Variants in COPB1 observed in about 807,000 individuals in gnomAD.
COPB1 encodes the protein coatomer subunit beta.
A neutral mutation model predicts 108.7 loss-of-function variants in COPB1; 21 were observed. That is an observed-to-expected ratio of 0.19 (90% confidence interval 0.14 to 0.28). The LOEUF (loss-of-function observed/expected upper bound fraction) is 0.28, where lower values mean the gene tolerates loss of function less well. Ranked by LOEUF, COPB1 falls within the 10% of genes least tolerant of loss-of-function variation. The pLI is 1.00. For synonymous variants in COPB1, 378 were observed against 386.8 expected (o/e 0.98, Z 0.27); for missense variants, 919 against 1,141.3 (o/e 0.81, Z 2.81).
intron 21 of COPB1, among the ~76,000 whole-genome samples, 163 bp downstream of exon 21, chr11:14,458,369 A>T (rs1313031992): frequency 1.3e-5 from 2 of 152,222 alleles, no homozygotes; most frequent in African/African-American, 4.8e-5. Context: ...AAAAGGTGAG[A>T]AATTTTAATG....
Position 14,485,713 on chromosome 11 carries a change from C to G in COPB1, c.837+654G>C, listed in dbSNP as rs529821141. On this transcript the variant is annotated intron_variant, in intron 7 of 21. Transcript: ENST00000439561. ...AACACAAAAAATTAGCTGGGCATAG[C>G]GGTGGGCACCTGTAATCCCAGCTAC... 9.9e-5 allele frequency among the ~76,000 whole-genome samples: 15 copies of G among 152,024 alleles called. No homozygotes were observed. The South Asian group carries it at 2.7e-3, about 27-fold the overall frequency.
chr11:14,487,791 T>TAG (rs1210173429), intron 6 of COPB1, among the ~76,000 whole-genome samples: 1 of 152,208 alleles, frequency 6.6e-6, no homozygotes, highest in African/African-American at 2.4e-5. Flanking sequence ...GCCCCTTTCT[T>TAG]ACAGAAGCAA....
intron 2 of COPB1, among the ~76,000 whole-genome samples, chr11:14,495,560 C>T (rs1243753337): frequency 2.0e-5 from 3 of 152,154 alleles, no homozygotes; most frequent in Non-Finnish European, 4.4e-5. Context: ...GATGGGGTTT[C>T]GCCATGTTGG....
At position 14,472,760 on chromosome 11, in the gene COPB1, G is replaced by A. The variant is rs370353588; in HGVS notation, c.1737+1735C>T. On this transcript the variant is annotated intron_variant, in intron 14 of 21. Coordinates refer to ENST00000439561, the MANE Select transcript of COPB1 (RefSeq NM_001144061.2). ...TGTCAAACTTTTACATTATGAAGAC[G>A]GGCTTATTTCCTTAAACCTCATGAA... Among the ~76,000 whole-genome samples the A allele has an allele frequency of 6.6e-5, 10 of 152,208 alleles. No individual in the cohort carries two copies. In the East Asian group the frequency reaches 9.6e-4, roughly 15 times the overall value.
Position 14,461,326 on chromosome 11 carries a change from C to T in COPB1, c.2416G>A (p.Asp806Asn), listed in dbSNP as rs775016562. ...NGIIFGNIVY[D>N]VSGAASDRNC... ...CTGTCACTTGCTGCTCCAGAGACAT[C>T]ATAAACTGCAATTACATATACAAAA... Residue 806 changes from aspartate to asparagine, a missense_variant, in exon 19 of 22, where the codon GAT (aspartate) becomes AAT (asparagine). By Grantham distance (23) the Asp-to-Asn change is conservative. Coordinates refer to ENST00000439561, the MANE Select transcript of COPB1 (RefSeq NM_001144061.2). 3.7e-6 allele frequency: 6 copies of T among 1,612,924 alleles called. No homozygotes were observed. The highest frequency in any genetic ancestry group is 1.7e-6 in the Non-Finnish European group (2 of 1,179,664).
In COPB1 at chr11:14,468,999, C is replaced by A. The variant is rs144732644; in HGVS notation, c.1966-139G>T. 7.0e-4 allele frequency: 517 copies of A among 743,554 alleles called. 1 individual carries two copies. In the African/African-American group the frequency reaches 7.9e-3, roughly 11 times the overall value. 46.1% of individuals were successfully genotyped at this position (743,554 alleles called of 1,614,324 possible). A position where few individuals can be genotyped will look rare whatever the true frequency, so the allele number is the denominator to read the frequency against. On this transcript the variant is annotated intron_variant, in intron 15 of 21. Coordinates refer to ENST00000439561, the MANE Select transcript of COPB1 (RefSeq NM_001144061.2). ...AAAACCCACAAAGCACTTTTCTTTT[C>A]TTTTTTTTCTTCCTGAGACAGGCTG...
chr11:14,486,587 G>T, intron 6 of COPB1, 83 bp from the exon 7 acceptor site: 2 of 1,524,052 alleles, frequency 1.3e-6, no homozygotes, highest in South Asian at 1.2e-5. Flanking sequence ...GTCAGCTTAT[G>T]GGATGCTAGT....
rs1457729982 is a variant in COPB1, at chr11:14,461,346, A to G, written c.2411-15T>C. The G allele has an allele frequency of 6.8e-6, 11 of 1,606,300 alleles. No homozygotes were observed. Among genetic ancestry groups the G allele is most frequent in the South Asian group, 2.2e-5 (2 of 89,032 alleles). On this transcript the variant is annotated splice_polypyrimidine_tract_variant and intron_variant, in intron 18 of 21. Coordinates refer to ENST00000439561, the MANE Select transcript of COPB1 (RefSeq NM_001144061.2). ...GACATCATAAACTGCAATTACATATACAAAAAGATTCGCAATCACTGGGGC... is the reference window on the plus strand; with the variant it reads ...GACATCATAAACTGCAATTACATATGCAAAAAGATTCGCAATCACTGGGGC...
At chr11:14,469,307 C>T in intron 15 of COPB1, 29 bp downstream of exon 15, 1 of 1,574,364 alleles carries the variant, frequency 6.4e-7, no homozygotes, top group Non-Finnish European at 8.7e-7. Flanking sequence ...ACACAAAACA[C>T]TTTTGTTGCC....
intron 2 of COPB1, 117 bp downstream of exon 2, chr11:14,498,721 T>C (rs1219955346): frequency 2.6e-6 from 2 of 767,160 alleles, no homozygotes; most frequent in Non-Finnish European, 4.0e-6. Flanking sequence ...GAAGAGATCC[T>C]AGAAAAACTT....
At chr11:14,461,451 T>C (rs1449786143) in intron 18 of COPB1, 120 bp from the exon 19 acceptor site, 31 of 996,036 alleles carry the variant, frequency 3.1e-5, no homozygotes, top group Non-Finnish European at 4.4e-5. Context: ...ATATAATACT[T>C]ATTATGTACA....
In COPB1 at chr11:14,461,342, A is replaced by G; in HGVS notation, c.2411-11T>C. On this transcript the variant is annotated splice_polypyrimidine_tract_variant and intron_variant, in intron 18 of 21. Coordinates refer to ENST00000439561, the MANE Select transcript of COPB1 (RefSeq NM_001144061.2). ...CAGAGACATCATAAACTGCAATTAC[A>G]TATACAAAAAGATTCGCAATCACTG... 2 of 1,606,876 alleles carry G rather than the reference A, an allele frequency of 1.2e-6. No homozygotes were observed. The highest frequency in any genetic ancestry group is 2.2e-5 in the South Asian group (2 of 88,972).
intron 11 of COPB1, among the ~76,000 whole-genome samples, chr11:14,478,151 A>C (rs956463678): frequency 6.6e-6 from 1 of 152,194 alleles, no homozygotes; most frequent in Non-Finnish European, 1.5e-5. Context: ...AACTGTTCTT[A>C]TTATTAGGAA....
intron 7 of COPB1, among the ~76,000 whole-genome samples, chr11:14,484,442 G>A (rs1203306280): frequency 6.6e-6 from 1 of 152,176 alleles, no homozygotes; most frequent in African/African-American, 2.4e-5. Flanking sequence ...TGTCCTCATC[G>A]GGCATGGTGG....
intron 11 of COPB1, 138 bp downstream of exon 11, chr11:14,479,431 C>T (rs971674364): frequency 1.4e-5 from 10 of 713,384 alleles, no homozygotes; most frequent in African/African-American, 7.2e-5. Context: ...GTGGAGTTAG[C>T]GAGATGCTTG....
Position 14,483,130 on chromosome 11 carries a change from C to A in COPB1, c.859G>T (p.Asp287Tyr). 2 of 1,573,300 alleles carry A rather than the reference C, an allele frequency of 1.3e-6. No individual in the cohort carries two copies. The highest frequency in any genetic ancestry group is 1.1e-5 in the South Asian group (1 of 88,290). ...AIKAAAQCYI[D>Y]LIIKESDNNV... ...TTGTCGCTCTCCTTAATAATTAAAT[C>A]AATGTAACACTGAGCAGCAGCCTAT... Residue 287 changes from aspartate (D) to tyrosine (Y), a missense_variant, in exon 8 of 22, where the codon GAT (aspartate) becomes TAT (tyrosine). Coordinates refer to ENST00000439561, the MANE Select transcript of COPB1 (RefSeq NM_001144061.2).
At position 14,458,690 on chromosome 11, in the gene COPB1, G is replaced by C. The variant is rs763886893; in HGVS notation, c.2647-3C>G. The C allele has an allele frequency of 1.2e-6, 2 of 1,606,162 alleles. No individual in the cohort carries two copies. The highest frequency in any genetic ancestry group is 1.3e-5 in the African/African-American group (1 of 74,142). ...AAGCCACAGTAACCAGAAAGGGCCT[G>C]GAAAAAATTTGTGATAAATTCATTA... On this transcript the variant is annotated splice_polypyrimidine_tract_variant and splice_region_variant and intron_variant, in intron 20 of 21. Transcript: ENST00000439561.
intron 10 of COPB1, 50 bp downstream of exon 10, chr11:14,480,709 A>T (rs764818825): frequency 4.1e-5 from 64 of 1,551,466 alleles, no homozygotes; most frequent in African/African-American, 3.1e-4. Context: ...TATATTTTTT[A>T]AAAAATTCTT....
chr11:14,498,714 G>A, intron 2 of COPB1, 124 bp downstream of exon 2: 4 of 693,594 alleles, frequency 5.8e-6, no homozygotes, highest in East Asian at 2.9e-5. Flanking sequence ...GTCTATCGAA[G>A]AGATCCTAGA....
Sources: gnomAD v4.1 joint callset for allele counts (sites outside exome capture counted in the v4.1 genomes callset) on GRCh38, gnomAD v4.1.1 for gene constraint, MANE v1.5 for transcripts, NCBI Gene and HGNC (gene_info 2026-07-23, HGNC 2026-07-21) for gene names.